WDFY4: variants seen among roughly 807,000 people sequenced by gnomAD.
WDFY4 encodes the protein WDFY family member 4, also known as WD repeat- and FYVE domain-containing protein 4.
WDFY4 carries 169 observed loss-of-function variants against 351.9 expected under a neutral mutation model. That is an observed-to-expected ratio of 0.48 (90% CI 0.42 to 0.55). WDFY4 has a LOEUF of 0.55. WDFY4 is among the 20% of genes least tolerant of loss of function. WDFY4 has a pLI of 0.00. For missense variants in WDFY4, 3,803 were observed against 3,935.6 expected (o/e 0.97, Z 0.90); for synonymous variants, 1,622 against 1,574.6 (o/e 1.03, Z -0.71).
intron 47 of WDFY4, among the ~76,000 whole-genome samples, chr10:48,919,004 GC>G (rs1325985715): frequency 6.6e-6 from 1 of 152,104 alleles, no homozygotes; most frequent in Non-Finnish European, 1.5e-5. Flanking sequence ...ACTCTACCTA[GC>G]AACTGCAGAA....
At chr10:48,981,600 G>GC in intron 61 of WDFY4, 122 bp downstream of exon 61, 2 of 825,510 alleles carry the variant, frequency 2.4e-6, no homozygotes, top group Non-Finnish European at 3.8e-6. Flanking sequence ...CCAGGACATG[G>GC]CCCCACCAAG....
intron 24 of WDFY4, among the ~76,000 whole-genome samples, chr10:48,797,517 A>C (rs1173362747): frequency 3.3e-5 from 5 of 152,244 alleles, no homozygotes; most frequent in Non-Finnish European, 5.9e-5. Flanking sequence ...ATACATTTTT[A>C]AAATCATAGT....
intron 31 of WDFY4, among the ~76,000 whole-genome samples, chr10:48,815,820 T>C (rs575127010): frequency 6.6e-6 from 1 of 152,264 alleles, no homozygotes; most frequent in African/African-American, 2.4e-5. Flanking sequence ...ATTTAGTCAC[T>C]CTGTCCTTAT....
chr10:48,975,156 G>A (rs1211498975), intron 58 of WDFY4, 115 bp downstream of exon 58: 43 of 1,388,586 alleles, frequency 3.1e-5, no homozygotes, highest in Non-Finnish European at 4.1e-5. Flanking sequence ...ATGCTGAGAG[G>A]GCCCCCAATT....
chr10:48,807,679 A>G (rs1352396509), intron 27 of WDFY4, among the ~76,000 whole-genome samples, 180 bp from the exon 28 acceptor site: 1 of 152,184 alleles, frequency 6.6e-6, no homozygotes, highest in East Asian at 1.9e-4. Flanking sequence ...CTTCAGTAAC[A>G]TTTTCTGAAA....
Position 48,873,814 on chromosome 10 carries a change from A to G in WDFY4, c.6948+117A>G, listed in dbSNP as rs559329528. 18 of 1,218,774 alleles carry G rather than the reference A, an allele frequency of 1.5e-5. No homozygotes were observed. In the East Asian group the frequency reaches 4.6e-4, roughly 31 times the overall value. The allele number at this position is 1,218,774 out of a possible 1,614,324, so 75.5% of individuals were successfully genotyped here. ...TCAGGCTAAGATAACACATGCAGTT[A>G]AATGTAGGAGAGTCCCAAAATTTAT... On this transcript the variant is annotated intron_variant, in intron 41 of 61. Coordinates refer to ENST00000325239, the MANE Select transcript of WDFY4 (RefSeq NM_001394531.1).
rs2066524771 is a variant in WDFY4, at chr10:48,787,944, T to TCTTCTTCTTCTTCTTCTC, written c.3809-569_3809-568insCCTTCTTCTTCTTCTTCT. ...TTCTTCTTCTTCTTCTTCTTCTTCTTCTTCTTCTTCTTCTTCTTCTTCTTC... is the reference window on the plus strand; with the variant it reads ...TTCTTCTTCTTCTTCTTCTTCTTCTTCTTCTTCTTCTTCTTCTCCTTCTTCTTCTTCTTCTTCTTCTTC... On this transcript the variant is annotated intron_variant, in intron 20 of 61. Transcript: ENST00000325239. Among the ~76,000 whole-genome samples the TCTTCTTCTTCTTCTTCTC allele has an allele frequency of 3.1e-5, 3 of 97,050 alleles. 1 individual carries two copies. The highest frequency in any genetic ancestry group is 7.8e-4 in the South Asian group (2 of 2,568). 63.7% of individuals were successfully genotyped at this position (97,050 alleles called of 152,430 possible). A position where few individuals can be genotyped will look rare whatever the true frequency, so the allele number is the denominator to read the frequency against.
intron 47 of WDFY4, among the ~76,000 whole-genome samples, chr10:48,906,730 TC>T (rs1837635374): frequency 6.6e-6 from 1 of 152,200 alleles, no homozygotes; most frequent in Non-Finnish European, 1.5e-5. Flanking sequence ...CTCATGCCCT[TC>T]CAGAAAGGGC....
intron 29 of WDFY4, 82 bp downstream of exon 29, chr10:48,810,817 T>C: frequency 7.4e-7 from 1 of 1,355,854 alleles, no homozygotes; most frequent in Non-Finnish European, 9.8e-7. Flanking sequence ...CCCCTTCTTA[T>C]TTGAGACCAT....
chr10:48,879,904 C>T (rs2070179020), intron 43 of WDFY4, among the ~76,000 whole-genome samples: 1 of 152,224 alleles, frequency 6.6e-6, no homozygotes, highest in Non-Finnish European at 1.5e-5. Context: ...CACCACCTCT[C>T]TGACCAACTC....
intron 47 of WDFY4, among the ~76,000 whole-genome samples, chr10:48,915,868 T>C (rs1252070718): frequency 1.3e-5 from 2 of 152,184 alleles, no homozygotes; most frequent in Non-Finnish European, 2.9e-5. Flanking sequence ...TTAAAAATAG[T>C]GGACTCCCCA....
chr10:48,807,147 C>A (rs916385578), intron 27 of WDFY4, among the ~76,000 whole-genome samples: 1 of 152,176 alleles, frequency 6.6e-6, no homozygotes, highest in African/African-American at 2.4e-5. Context: ...CTCATCAGTC[C>A]TATTTCTACA....
chr10:48,870,000 T>A (rs531153151), intron 40 of WDFY4, among the ~76,000 whole-genome samples: 3 of 152,330 alleles, frequency 2.0e-5, no homozygotes, highest in South Asian at 4.1e-4. Context: ...CAGCGCTGGA[T>A]CAAGTTCCGT....
intron 37 of WDFY4, among the ~76,000 whole-genome samples, chr10:48,829,348 A>G (rs1056963784): frequency 3.3e-5 from 5 of 152,252 alleles, no homozygotes; most frequent in Admixed American, 6.5e-5. Context: ...ATTACTCTCT[A>G]TAAGACTTTT....
At chr10:48,827,269 A>G (rs561291063) in intron 36 of WDFY4, among the ~76,000 whole-genome samples, 1 of 152,238 alleles carries the variant, frequency 6.6e-6, no homozygotes, top group South Asian at 2.1e-4. Flanking sequence ...CAATCTTAGA[A>G]AGGAAAAAAT....
intron 47 of WDFY4, among the ~76,000 whole-genome samples, chr10:48,903,839 C>G (rs536096854): frequency 7.3e-4 from 111 of 152,150 alleles, no homozygotes; most frequent in Non-Finnish European, 1.4e-3. Context: ...TGAGAATGGG[C>G]AAGATTATCA....
At position 48,814,019 on chromosome 10, in the gene WDFY4, G is replaced by C. The variant is rs543922309; in HGVS notation, c.5277G>C (p.Gln1759His). The C allele has an allele frequency of 6.4e-7, 1 of 1,551,002 alleles. No individual in the cohort carries two copies. The highest frequency in any genetic ancestry group is 1.2e-5 in the South Asian group (1 of 84,014). ...GGCACCACCAGGAAGAAGTCCTCCA[G>C]GCTGGGCTGTGCACAGAAGGTGCCT... is the stretch of plus-strand genomic sequence containing the variant. The part of the protein sequence containing the change: ...LQRHHQEEVL[Q>H]AGLCTEGALL... The change falls in exon 31 of 62, where the codon CAG (glutamine) becomes CAC (histidine). Residue 1759 changes from glutamine (Q) to histidine (H), a missense_variant. Gln to His is a conservative substitution (Grantham distance 24). This residue lies in a region of WDFY4 where 3,054 missense variants were observed against 3,148.6 expected (regional missense o/e 0.97). Transcript: ENST00000325239.
chr10:48,730,959 G>T (rs1256307218), intron 8 of WDFY4, 151 bp from the exon 9 acceptor site: 36 of 858,342 alleles, frequency 4.2e-5, no homozygotes, highest in Non-Finnish European at 5.6e-5. Flanking sequence ...ACCCCAGGTG[G>T]CTGGCTTTTC....
chr10:48,889,323 C>T (rs2133361829), intron 43 of WDFY4, among the ~76,000 whole-genome samples: 1 of 152,316 alleles, frequency 6.6e-6, no homozygotes, highest in Middle Eastern at 3.4e-3. Context: ...CTGCCCTTGG[C>T]TCTGGCTTTC....
Sources: allele counts gnomAD v4.1 joint callset (sites outside exome capture counted in the v4.1 genomes callset), GRCh38; gene constraint gnomAD v4.1.1; regional missense constraint gnomAD v4.1.1; transcripts MANE v1.5; gene names NCBI Gene and HGNC (gene_info 2026-07-23, HGNC 2026-07-21).